Variants in RANBP2 observed in about 807,000 individuals in gnomAD.
The protein encoded by RANBP2 is E3 SUMO-protein ligase RanBP2.
A neutral mutation model predicts 303.6 loss-of-function variants in RANBP2; 57 were observed. The observed-to-expected ratio is 0.19, with a 90% CI of 0.15 to 0.23. The LOEUF (loss-of-function observed/expected upper bound fraction) is 0.23, where lower values mean the gene tolerates loss of function less well. RANBP2 is among the 10% of genes least tolerant of loss of function. The pLI, the probability that RANBP2 is intolerant of heterozygous loss-of-function variation, is 1.00. For missense variants in RANBP2, 3,138 were observed against 3,780.8 expected (o/e 0.83, Z 4.46); for synonymous variants, 1,167 against 1,301.5 (o/e 0.90, Z 2.23).
the RANBP2 span, among the ~76,000 whole-genome samples, chr2:109,487,592 A>C: frequency 6.6e-6 from 1 of 152,094 alleles, no homozygotes; most frequent in South Asian, 2.1e-4. Flanking sequence ...ACATTTACGC[A>C]CCCCACCCTT....
chr2:109,446,947 G>C, the RANBP2 span, among the ~76,000 whole-genome samples: 1 of 151,948 alleles, frequency 6.6e-6, no homozygotes, highest in African/African-American at 2.4e-5. Context: ...TGGACCGAGA[G>C]AAGGGGAGTC....
At chr2:109,356,875 C>T in the RANBP2 span, among the ~76,000 whole-genome samples, 1 of 152,108 alleles carries the variant, frequency 6.6e-6, no homozygotes, top group Non-Finnish European at 1.5e-5. Flanking sequence ...GCCCCCACAG[C>T]GCTCTCACTT....
At chr2:108,923,076 G>A in the RANBP2 span, among the ~76,000 whole-genome samples, 1 of 152,294 alleles carries the variant, frequency 6.6e-6, no homozygotes, top group South Asian at 2.1e-4. Context: ...TCAGATGTTA[G>A]TACCCCCATA....
At chr2:109,437,277 G>A in the RANBP2 span, 1 of 1,378,952 alleles carries the variant, frequency 7.3e-7, no homozygotes, top group East Asian at 2.5e-5. Flanking sequence ...GGCAGCTGGA[G>A]AAACTTAAGG....
chr2:109,713,055 A>G, the RANBP2 span, among the ~76,000 whole-genome samples: 29 of 152,284 alleles, frequency 1.9e-4, no homozygotes, highest in African/African-American at 6.7e-4. Flanking sequence ...GGGCCAGCCC[A>G]GCCCTGCTTT....
At chr2:109,496,405 C>T in the RANBP2 span, among the ~76,000 whole-genome samples, 1 of 152,170 alleles carries the variant, frequency 6.6e-6, no homozygotes, top group African/African-American at 2.4e-5. Flanking sequence ...GTGCATTTTA[C>T]AATCCTCTCA....
At chr2:108,936,307 C>CT in the RANBP2 span, among the ~76,000 whole-genome samples, 1 of 152,242 alleles carries the variant, frequency 6.6e-6, no homozygotes, top group East Asian at 1.9e-4. Context: ...CTCCAGCGTG[C>CT]TTACCTGGCC....
the RANBP2 span, among the ~76,000 whole-genome samples, chr2:109,511,549 T>G: frequency 1.3e-5 from 2 of 152,150 alleles, no homozygotes; most frequent in Non-Finnish European, 2.9e-5. Flanking sequence ...GGCAATCAGC[T>G]AAGGCCAACC....
At chr2:108,918,798 G>A in the RANBP2 span, among the ~76,000 whole-genome samples, 1,196 of 152,294 alleles carry the variant, frequency 7.9e-3, 18 homozygotes, top group African/African-American at 0.028. Context: ...AATCTCACCA[G>A]TATGCATTAG....
the RANBP2 span, among the ~76,000 whole-genome samples, chr2:109,021,216 G>A: frequency 6.6e-6 from 1 of 152,144 alleles, no homozygotes; most frequent in Non-Finnish European, 1.5e-5. Flanking sequence ...TCAGCATGGG[G>A]TCTGTGTGAA....
the RANBP2 span, among the ~76,000 whole-genome samples, chr2:109,233,852 G>T: frequency 6.6e-6 from 1 of 152,190 alleles, no homozygotes; most frequent in Non-Finnish European, 1.5e-5. Context: ...GCACATTTGC[G>T]ATTGGTCTGC....
the RANBP2 span, among the ~76,000 whole-genome samples, chr2:109,528,610 G>C: frequency 6.6e-6 from 1 of 152,212 alleles, no homozygotes; most frequent in Non-Finnish European, 1.5e-5. Context: ...CCAGGAGACT[G>C]TGGTGCTGCA....
At chr2:109,646,885 T>C in the RANBP2 span, among the ~76,000 whole-genome samples, 1 of 152,200 alleles carries the variant, frequency 6.6e-6, no homozygotes, top group East Asian at 1.9e-4. Context: ...ATGGTAATTC[T>C]ATTTTGGGTG....
the RANBP2 span, among the ~76,000 whole-genome samples, chr2:109,440,719 G>C: frequency 6.6e-6 from 1 of 152,204 alleles, no homozygotes; most frequent in Non-Finnish European, 1.5e-5. Flanking sequence ...GGAGATCAGA[G>C]TTTGTGTGAC....
intron 6 of RANBP2, among the ~76,000 whole-genome samples, chr2:108,740,181 C>T (rs1435810736): frequency 6.6e-6 from 1 of 151,992 alleles, no homozygotes; most frequent in East Asian, 1.9e-4. Flanking sequence ...AAATAGTCTC[C>T]CAACTTTATC....
At chr2:109,213,228 G>A in the RANBP2 span, among the ~76,000 whole-genome samples, 3 of 152,164 alleles carry the variant, frequency 2.0e-5, no homozygotes, top group African/African-American at 4.8e-5. Flanking sequence ...TCCCAGGGCT[G>A]CTTCTGAGCT....
At chr2:109,683,511 A>G in the RANBP2 span, among the ~76,000 whole-genome samples, 2,158 of 152,240 alleles carry the variant, frequency 0.014, 48 homozygotes, top group African/African-American at 0.049. Context: ...GTAGACTCTC[A>G]GGAGGCCAGA....
At chr2:109,732,479 T>A in the RANBP2 span, among the ~76,000 whole-genome samples, 1 of 148,810 alleles carries the variant, frequency 6.7e-6, no homozygotes, top group Non-Finnish European at 1.5e-5. Context: ...TACACCTTCA[T>A]CTTTTTTTTT....
the RANBP2 span, among the ~76,000 whole-genome samples, chr2:109,332,260 G>T: frequency 6.6e-6 from 1 of 152,130 alleles, no homozygotes; most frequent in African/African-American, 2.4e-5. Context: ...ACAACCTGCT[G>T]ATCCGTCTGT....
Sources: gnomAD v4.1 joint callset for allele counts (sites outside exome capture counted in the v4.1 genomes callset) on GRCh38, gnomAD v4.1.1 for gene constraint, MANE v1.5 for transcripts, NCBI Gene and HGNC (gene_info 2026-07-23, HGNC 2026-07-21) for gene names.